Variants in LHPP observed in about 807,000 individuals in gnomAD.
LHPP encodes phospholysine phosphohistidine inorganic pyrophosphate phosphatase, also known as hLHPP.
A neutral mutation model predicts 30.3 loss-of-function variants in LHPP; 24 were observed. That is an observed-to-expected ratio of 0.79 (90% CI 0.57 to 1.11). The LOEUF is 1.11. LHPP is among the 50% of genes most tolerant of loss of function. LHPP has a pLI of 0.00. For synonymous variants in LHPP, 150 were observed against 157.1 expected (o/e 0.95, Z 0.34); for missense variants, 356 against 367.2 (o/e 0.97, Z 0.25).
intron 6 of LHPP, among the ~76,000 whole-genome samples, chr10:124,522,095 G>A (rs1224485602): frequency 2.0e-5 from 3 of 152,202 alleles, no homozygotes; most frequent in Non-Finnish European, 4.4e-5. Context: ...GTTTTGCAGG[G>A]CCTGCTCCCC....
chr10:124,553,304 A>C (rs1948213995), intron 6 of LHPP, among the ~76,000 whole-genome samples: 1 of 152,200 alleles, frequency 6.6e-6, no homozygotes, highest in South Asian at 2.1e-4. Flanking sequence ...ACAGAACCCA[A>C]GTGGGGTTCT....
At chr10:124,545,030 G>C (rs1233728735) in intron 6 of LHPP, among the ~76,000 whole-genome samples, 2 of 152,130 alleles carry the variant, frequency 1.3e-5, no homozygotes, top group African/African-American at 4.8e-5. Flanking sequence ...TGGGTGCTTT[G>C]AGCTGAGTGA....
chr10:124,559,468 C>T (rs1948356026), intron 6 of LHPP, among the ~76,000 whole-genome samples: 1 of 152,228 alleles, frequency 6.6e-6, no homozygotes, highest in African/African-American at 2.4e-5. Flanking sequence ...CCAGGTTCCC[C>T]ACCAGGGGCC....
intron 6 of LHPP, chr10:124,526,247 G>A (rs924481725): frequency 2.0e-6 from 2 of 985,228 alleles, no homozygotes; most frequent in African/African-American, 3.5e-5. Context: ...CCCAGGAGCT[G>A]GAAGGGGGAT....
intron 6 of LHPP, among the ~76,000 whole-genome samples, chr10:124,533,031 T>G (rs1954936215): frequency 6.6e-6 from 1 of 152,220 alleles, no homozygotes; most frequent in Non-Finnish European, 1.5e-5. Flanking sequence ...ATTTTGGACT[T>G]ACTTCCCAGG....
At chr10:124,611,988 C>T (rs925685144) in intron 6 of LHPP, among the ~76,000 whole-genome samples, 8 of 152,226 alleles carry the variant, frequency 5.3e-5, no homozygotes, top group African/African-American at 1.9e-4. Context: ...TCCCCACTTC[C>T]TGCCAAGCTC....
At chr10:124,521,020 T>C (rs944201141) in intron 6 of LHPP, among the ~76,000 whole-genome samples, 14 of 152,034 alleles carry the variant, frequency 9.2e-5, no homozygotes, top group Admixed American at 2.6e-4. Flanking sequence ...TCTGCAGGAG[T>C]GTTGGTGGCC....
At chr10:124,493,124 A>AC (rs1953583177) in intron 3 of LHPP, among the ~76,000 whole-genome samples, 2 of 151,470 alleles carry the variant, frequency 1.3e-5, no homozygotes, top group Admixed American at 1.3e-4. Context: ...GAAAAAGAAA[A>AC]AAAAAAACCG....
At chr10:124,547,060 T>G (rs1455542966) in intron 6 of LHPP, among the ~76,000 whole-genome samples, 2 of 151,688 alleles carry the variant, frequency 1.3e-5, no homozygotes, top group African/African-American at 4.8e-5. Flanking sequence ...CACAGGAGGT[T>G]GTCCTGTTTG....
intron 6 of LHPP, among the ~76,000 whole-genome samples, chr10:124,544,252 C>A (rs887100802): frequency 6.6e-6 from 1 of 152,256 alleles, no homozygotes; most frequent in Admixed American, 6.5e-5. Flanking sequence ...CTGGGTCCCC[C>A]CATCTCGTGT....
intron 6 of LHPP, among the ~76,000 whole-genome samples, chr10:124,561,316 T>C (rs2133970765): frequency 6.6e-6 from 1 of 152,254 alleles, no homozygotes; most frequent in Middle Eastern, 3.4e-3. Context: ...AATGAGCCCC[T>C]ACCACTGGGG....
At chr10:124,514,795 CT>C (rs112586813) in intron 5 of LHPP, among the ~76,000 whole-genome samples, 1 of 146,530 alleles carries the variant, frequency 6.8e-6, no homozygotes, top group African/African-American at 2.5e-5. Flanking sequence ...TCTCATCTCA[CT>C]TTTTTTTTTT....
Position 124,527,148 on chromosome 10 carries a change from G to A in LHPP, c.716+9877G>A, listed in dbSNP as rs565269682. On this transcript the variant is annotated intron_variant, in intron 6 of 6. Transcript: ENST00000368842. The stretch of plus-strand genomic sequence containing the variant: ...CTCTGCCTTTCCGCTGCTGCTCTGC[G>A]GCTCGGGGACACGGCCAGGGCTGGT... Among the ~76,000 whole-genome samples the A allele has an allele frequency of 3.3e-5, 5 of 152,362 alleles. No homozygotes were observed. The South Asian group carries it at 6.2e-4, about 19-fold the overall frequency.
intron 1 of LHPP, among the ~76,000 whole-genome samples, chr10:124,469,587 C>A (rs1952667991): frequency 2.0e-5 from 3 of 152,020 alleles, no homozygotes; most frequent in Admixed American, 1.3e-4. Flanking sequence ...GAAAATGTTG[C>A]CGAGCCCTCA....
chr10:124,609,844 G>T (rs1373208349), intron 6 of LHPP, among the ~76,000 whole-genome samples: 1 of 152,234 alleles, frequency 6.6e-6, no homozygotes, highest in Non-Finnish European at 1.5e-5. Flanking sequence ...GAGCCGTTGT[G>T]GAGTATTCCA....
intron 6 of LHPP, among the ~76,000 whole-genome samples, chr10:124,539,718 A>G (rs929013684): frequency 3.5e-5 from 5 of 144,324 alleles, no homozygotes; most frequent in African/African-American, 1.3e-4. Flanking sequence ...CCTGGGCGAC[A>G]GAGCAAAACC....
chr10:124,477,444 G>T (rs1952984735), intron 1 of LHPP, among the ~76,000 whole-genome samples: 1 of 152,210 alleles, frequency 6.6e-6, no homozygotes, highest in Non-Finnish European at 1.5e-5. Flanking sequence ...CAGGCTGGGA[G>T]TTAGGAGGCT....
intron 6 of LHPP, among the ~76,000 whole-genome samples, chr10:124,594,888 C>A (rs1329428570): frequency 6.6e-6 from 1 of 152,172 alleles, no homozygotes; most frequent in Non-Finnish European, 1.5e-5. Flanking sequence ...GCCTCAGCTT[C>A]CCAAAGTGCT....
chr10:124,540,628 C>A (rs1157724945), intron 6 of LHPP, among the ~76,000 whole-genome samples: 1 of 152,222 alleles, frequency 6.6e-6, no homozygotes, highest in African/African-American at 2.4e-5. Flanking sequence ...CTCGCACACC[C>A]CTGCACTTTG....
Sources: allele counts gnomAD v4.1 joint callset (sites outside exome capture counted in the v4.1 genomes callset), GRCh38; gene constraint gnomAD v4.1.1; transcripts MANE v1.5; gene names NCBI Gene and HGNC (gene_info 2026-07-23, HGNC 2026-07-21).